The following GPC5 variants were observed in gnomAD, a reference collection of about 807,000 sequenced individuals.
GPC5 encodes glypican 5.
GPC5 carries 47 observed loss-of-function variants against 53.9 expected under a neutral mutation model. That is an observed-to-expected ratio of 0.87 (90% confidence interval 0.69 to 1.11). The LOEUF is 1.11. Ranked by LOEUF, GPC5 falls within the 50% of genes most tolerant of loss-of-function variation. GPC5 has a pLI of 0.00. For missense variants in GPC5, 748 were observed against 713.1 expected (o/e 1.05, Z -0.56); for synonymous variants, 286 against 263.3 (o/e 1.09, Z -0.84).
intron 7 of GPC5, among the ~76,000 whole-genome samples, chr13:92,623,053 C>T (rs1884926639): frequency 6.6e-6 from 1 of 151,786 alleles, no homozygotes; most frequent in Admixed American, 6.6e-5. Flanking sequence ...TTGGTCCCAG[C>T]TACTAGGGAG....
rs191988308 is a variant in GPC5, at chr13:91,914,855, A to G, written c.1401+6798A>G. Among the ~76,000 whole-genome samples, 8 of 152,274 alleles carry G rather than the reference A, an allele frequency of 5.3e-5. No individual in the cohort carries two copies. The East Asian group carries it at 1.5e-3, about 29-fold the overall frequency. The stretch of plus-strand genomic sequence containing the variant: ...TCTGAAAACTGTCCAAGCTTTTATC[A>G]TTAAATCACTTGCTATAAAACAAAT... On this transcript the variant is annotated intron_variant, in intron 6 of 7. Coordinates refer to ENST00000377067, the MANE Select transcript of GPC5 (RefSeq NM_004466.6).
Position 91,627,004 on chromosome 13 carries a change from ATTTTTTTTTTTTTTTT to A in GPC5, c.326-66161_326-66146del, listed in dbSNP as rs1215877558. Among the ~76,000 whole-genome samples the A allele has an allele frequency of 6.2e-4, 3 of 4,878 alleles. 1 individual carries two copies. Among genetic ancestry groups the A allele is most frequent in the Non-Finnish European group, 7.9e-4 (3 of 3,784 alleles). The allele number at this position is 4,878 out of a possible 152,430, so 3.2% of individuals were successfully genotyped here. On this transcript the variant is annotated intron_variant, in intron 2 of 7. Coordinates refer to ENST00000377067, the MANE Select transcript of GPC5 (RefSeq NM_004466.6). ...TCCCTACAAAGGACATGAACTCATCATTTTTTTTTTTTTTTTTTTTTTTTTTTTTTTTTTTTTGAGA... is the reference window on the plus strand; with the variant it reads ...TCCCTACAAAGGACATGAACTCATCATTTTTTTTTTTTTTTTTTTTTGAGA...
intron 5 of GPC5, among the ~76,000 whole-genome samples, chr13:91,783,934 A>G (rs67271168): frequency 0.074 from 11,274 of 152,240 alleles, 762 homozygotes; most frequent in East Asian, 0.22. Flanking sequence ...CGGTTAGTAT[A>G]AAGGTCCCAA....
chr13:92,145,317 G>T (rs912378171), intron 7 of GPC5, among the ~76,000 whole-genome samples: 26 of 151,900 alleles, frequency 1.7e-4, no homozygotes, highest in African/African-American at 6.0e-4. Flanking sequence ...ACCAGGATGG[G>T]TAAGTACTAC....
chr13:92,446,812 A>C (rs964016447), intron 7 of GPC5: 1 of 152,132 alleles, frequency 6.6e-6, no homozygotes, highest in Non-Finnish European at 1.5e-5. Context: ...TGTCTTTTGG[A>C]TACAAGCCAT....
intron 2 of GPC5, among the ~76,000 whole-genome samples, chr13:91,609,527 C>T (rs2033482491): frequency 6.6e-6 from 1 of 152,136 alleles, no homozygotes; most frequent in South Asian, 2.1e-4. Flanking sequence ...TGCACAAACC[C>T]AGCTGCCAGA....
At chr13:91,926,755 A>G (rs967057679) in intron 6 of GPC5, among the ~76,000 whole-genome samples, 2 of 152,214 alleles carry the variant, frequency 1.3e-5, no homozygotes, top group Non-Finnish European at 2.9e-5. Context: ...ATGCAGGAAA[A>G]TAATCTCATC....
Position 92,140,749 on chromosome 13 carries a change from C to T in GPC5, c.1402-4081C>T, listed in dbSNP as rs2041824445. 1.3e-5 allele frequency among the ~76,000 whole-genome samples: 2 copies of T among 152,114 alleles called. 1 individual carries two copies. Among genetic ancestry groups the T allele is most frequent in the Admixed American group, 1.3e-4 (2 of 15,258 alleles). The stretch of plus-strand genomic sequence containing the variant: ...GGTAGTGGGTAGGAGAGACTAATGG[C>T]CCCTGTAATGAGGGAGCTGGGAAGA... On this transcript the variant is annotated intron_variant, in intron 6 of 7. Transcript: ENST00000377067.
chr13:92,264,311 T>G (rs541068774), intron 7 of GPC5, among the ~76,000 whole-genome samples: 16 of 152,156 alleles, frequency 1.1e-4, no homozygotes, highest in Non-Finnish European at 2.4e-4. Flanking sequence ...TTAAAGACTA[T>G]TATGAACTAC....
chr13:91,934,480 G>A (rs1013977892), intron 6 of GPC5, among the ~76,000 whole-genome samples: 6 of 151,804 alleles, frequency 4.0e-5, no homozygotes, highest in Admixed American at 4.0e-4. Flanking sequence ...TTCTGTGACC[G>A]ATGTTAGCTG....
intron 7 of GPC5, among the ~76,000 whole-genome samples, chr13:92,739,727 AAGAG>A (rs142048278): frequency 0.059 from 8,747 of 148,150 alleles, 273 homozygotes; most frequent in Non-Finnish European, 0.071. Context: ...AAGAAAAAAA[AAGAG>A]AGAGAGAGAG....
At chr13:92,387,212 C>T (rs1874767920) in intron 7 of GPC5, among the ~76,000 whole-genome samples, 1 of 152,052 alleles carries the variant, frequency 6.6e-6, no homozygotes, top group Non-Finnish European at 1.5e-5. Flanking sequence ...ACTTTTAGTA[C>T]AGTATTTAAT....
chr13:92,624,619 A>G (rs987883321), intron 7 of GPC5, among the ~76,000 whole-genome samples: 2 of 152,214 alleles, frequency 1.3e-5, no homozygotes, highest in African/African-American at 4.8e-5. Flanking sequence ...CATGTTTTGC[A>G]TTGGTTCTCT....
chr13:92,374,869 GAA>G (rs560669472), intron 7 of GPC5, among the ~76,000 whole-genome samples: 4 of 124,358 alleles, frequency 3.2e-5, no homozygotes, highest in African/African-American at 1.2e-4. Context: ...AAAAAAAATA[GAA>G]AAAAAAAATA....
rs570551630 is a variant in GPC5 at position 91,497,505 on chromosome 13, A to C, written c.325+48583A>C. On this transcript the variant is annotated intron_variant, in intron 2 of 7. Coordinates refer to ENST00000377067, the MANE Select transcript of GPC5 (RefSeq NM_004466.6). ...TCTTATCTCTTCTTCATGCCTCCCAAGTCACTTATTGATTGCATTCAGCCT... is the reference window on the plus strand; with the variant it reads ...TCTTATCTCTTCTTCATGCCTCCCACGTCACTTATTGATTGCATTCAGCCT... Among the ~76,000 whole-genome samples, 188 of 152,290 alleles carry C rather than the reference A, an allele frequency of 1.2e-3. 1 individual carries two copies. Among genetic ancestry groups the C allele is most frequent in the Admixed American group, 4.4e-3 (67 of 15,306 alleles).
intron 2 of GPC5, among the ~76,000 whole-genome samples, chr13:91,547,994 A>T (rs1421036128): frequency 1.3e-5 from 2 of 152,118 alleles, no homozygotes; most frequent in African/African-American, 2.4e-5. Context: ...TCTCTAAAAA[A>T]CCTACAGCTA....
intron 2 of GPC5, among the ~76,000 whole-genome samples, chr13:91,453,480 C>T (rs4773631): frequency 0.64 from 97,062 of 151,760 alleles, 31,625 homozygotes; most frequent in African/African-American, 0.74. Flanking sequence ...AAGCATAGAG[C>T]ACATTAATCT....
chr13:91,923,458 A>G (rs547558689), intron 6 of GPC5, among the ~76,000 whole-genome samples: 1 of 152,218 alleles, frequency 6.6e-6, no homozygotes. Flanking sequence ...AATCAGTAGG[A>G]AAGTTTCTAT....
intron 7 of GPC5, among the ~76,000 whole-genome samples, chr13:92,685,184 C>T (rs1341021971): frequency 2.6e-5 from 4 of 152,096 alleles, no homozygotes; most frequent in Non-Finnish European, 5.9e-5. Context: ...CTCCATCTCA[C>T]GGGTTCAAGC....
Sources: gnomAD v4.1 joint callset for allele counts (sites outside exome capture counted in the v4.1 genomes callset) on GRCh38, gnomAD v4.1.1 for gene constraint, MANE v1.5 for transcripts, NCBI Gene and HGNC (gene_info 2026-07-23, HGNC 2026-07-21) for gene names.